Variants in TUSC3 observed in about 807,000 individuals in gnomAD.
TUSC3 encodes dolichyl-diphosphooligosaccharide--protein glycosyltransferase subunit TUSC3.
Under a neutral mutation model 44.8 loss-of-function variants are expected in TUSC3, and 45 were observed. The observed-to-expected ratio is 1.00, with a 90% CI of 0.79 to 1.29. TUSC3 has a LOEUF of 1.29. Ranked by LOEUF, TUSC3 falls within the 50% of genes most tolerant of loss-of-function variation. The probability of loss-of-function intolerance (pLI) is 0.00; values close to 1 mark genes in which losing one functional copy is unlikely to be tolerated. For synonymous variants in TUSC3, 212 were observed against 152.9 expected (o/e 1.39, Z -2.85); for missense variants, 519 against 437.9 (o/e 1.19, Z -1.65).
chr8:15,640,827 C>T (rs114668708), intron 2 of TUSC3, among the ~76,000 whole-genome samples: 2 of 152,138 alleles, frequency 1.3e-5, no homozygotes, highest in Admixed American at 6.5e-5. Context: ...GAGTCTAGTT[C>T]GTAAATGTCA....
chr8:15,678,913 C>T (rs973808674), intron 6 of TUSC3, among the ~76,000 whole-genome samples: 1 of 152,148 alleles, frequency 6.6e-6, no homozygotes, highest in Non-Finnish European at 1.5e-5. Context: ...GCACCTCTAG[C>T]TGCATTCATG....
chr8:15,615,483 G>A (rs1308513218), intron 1 of TUSC3, among the ~76,000 whole-genome samples: 2 of 152,156 alleles, frequency 1.3e-5, no homozygotes, highest in Non-Finnish European at 2.9e-5. Flanking sequence ...TAGGCAGGAG[G>A]GGAGGATAGG....
At chr8:15,579,328 C>T (rs1245588579) in intron 1 of TUSC3, among the ~76,000 whole-genome samples, 4 of 138,280 alleles carry the variant, frequency 2.9e-5, no homozygotes, top group African/African-American at 8.1e-5. Context: ...CAGTTCTGCT[C>T]TGATTTTAGT....
At chr8:15,581,885 A>G (rs1266731043) in intron 1 of TUSC3, among the ~76,000 whole-genome samples, 1 of 135,330 alleles carries the variant, frequency 7.4e-6, no homozygotes, top group African/African-American at 3.1e-5. Context: ...AGCCTGGGCA[A>G]TGGCGGGCGC....
chr8:15,511,788 T>C (rs1801138704), intron 2 of TUSC3, among the ~76,000 whole-genome samples: 1 of 152,030 alleles, frequency 6.6e-6, no homozygotes, highest in East Asian at 1.9e-4. Context: ...GAAGAACTGA[T>C]TGAACCTGGG....
rs546717587 is a variant in TUSC3 at position 15,715,108 on chromosome 8, G to C, written c.799-15558G>C. 2.0e-5 allele frequency among the ~76,000 whole-genome samples: 3 copies of C among 152,006 alleles called. No homozygotes were observed. In the South Asian group the frequency reaches 6.2e-4, roughly 32 times the overall value. On this transcript the variant is annotated intron_variant, in intron 6 of 10. Coordinates refer to ENST00000503731, the MANE Select transcript of TUSC3 (RefSeq NM_006765.4). ...CAAGGTTTCTTTTTTTTCCTGTTCT[G>C]ATAATTAAATTAAATAATCTTTATA...
At chr8:15,716,537 G>A (rs1201858599) in intron 6 of TUSC3, among the ~76,000 whole-genome samples, 1 of 152,126 alleles carries the variant, frequency 6.6e-6, no homozygotes, top group Non-Finnish European at 1.5e-5. Context: ...GTATAAGTAT[G>A]TGTAAGTGCT....
chr8:15,613,343 A>G (rs1056023404), intron 1 of TUSC3, among the ~76,000 whole-genome samples: 6 of 152,142 alleles, frequency 3.9e-5, no homozygotes, highest in African/African-American at 1.4e-4. Context: ...CCCACTGCAG[A>G]TAATTCTTTT....
intron 9 of TUSC3, 44 bp from the exon 10 acceptor site, chr8:15,757,744 GATT>G: frequency 2.0e-6 from 3 of 1,475,828 alleles, no homozygotes; most frequent in Non-Finnish European, 2.8e-6. Flanking sequence ...CAATCTTAAG[GATT>G]ATTTTTTCCA....
downstream of TUSC3, among the ~76,000 whole-genome samples, chr8:15,770,700 G>A (rs1215349212): frequency 3.3e-5 from 5 of 152,222 alleles, no homozygotes; most frequent in Middle Eastern, 6.8e-3. Context: ...AACAATCAGT[G>A]AACTTGAAGC....
At chr8:15,687,367 T>G (rs1284143521) in intron 6 of TUSC3, among the ~76,000 whole-genome samples, 2 of 152,196 alleles carry the variant, frequency 1.3e-5, no homozygotes, top group African/African-American at 2.4e-5. Context: ...AGGCTGCAAT[T>G]GTTTTAGAAT....
At chr8:15,553,867 C>G (rs1373703850) in intron 1 of TUSC3, among the ~76,000 whole-genome samples, 2 of 151,678 alleles carry the variant, frequency 1.3e-5, no homozygotes. Context: ...ACAGCATTAG[C>G]CTTATATGGA....
At chr8:15,467,109 C>T (rs1232910842) in intron 1 of TUSC3, among the ~76,000 whole-genome samples, 1 of 151,932 alleles carries the variant, frequency 6.6e-6, no homozygotes, top group Admixed American at 6.6e-5. Context: ...GGGAAGGATT[C>T]AGAAAGGAGG....
At chr8:15,440,929 T>C (rs1422636605) in intron 1 of TUSC3, among the ~76,000 whole-genome samples, 2 of 152,298 alleles carry the variant, frequency 1.3e-5, no homozygotes, top group African/African-American at 4.8e-5. Context: ...CCAAGTTATG[T>C]TGATGGACCA....
the TUSC3 span, among the ~76,000 whole-genome samples, chr8:15,837,267 A>C: frequency 6.6e-6 from 1 of 152,070 alleles, no homozygotes; most frequent in Admixed American, 6.6e-5. Flanking sequence ...GAAATCATTC[A>C]GTTTTTTCTT....
chr8:15,486,044 T>C (rs1405067268), intron 2 of TUSC3, among the ~76,000 whole-genome samples: 1 of 152,166 alleles, frequency 6.6e-6, no homozygotes, highest in Non-Finnish European at 1.5e-5. Context: ...TCCATCCACC[T>C]TGGCCTCCCA....
At chr8:15,459,366 A>G (rs1435378335) in intron 1 of TUSC3, among the ~76,000 whole-genome samples, 1 of 152,166 alleles carries the variant, frequency 6.6e-6, no homozygotes, top group Non-Finnish European at 1.5e-5. Context: ...TGTGATTTGA[A>G]GAAACTCTTC....
At chr8:15,516,232 T>G (rs1438523743) in intron 2 of TUSC3, among the ~76,000 whole-genome samples, 3 of 152,204 alleles carry the variant, frequency 2.0e-5, no homozygotes, top group Non-Finnish European at 2.9e-5. Context: ...CCTTGATATA[T>G]TCAGTGTATA....
At chr8:15,420,015 C>G (rs950331947) in intron 1 of TUSC3, among the ~76,000 whole-genome samples, 3 of 151,846 alleles carry the variant, frequency 2.0e-5, no homozygotes, top group Non-Finnish European at 4.4e-5. Context: ...AATTTTTGAT[C>G]CCATTATATG....
Sources: gnomAD v4.1 joint callset for allele counts (sites outside exome capture counted in the v4.1 genomes callset) on GRCh38, gnomAD v4.1.1 for gene constraint, MANE v1.5 for transcripts, NCBI Gene and HGNC (gene_info 2026-07-23, HGNC 2026-07-21) for gene names.